ADAMTS12: variants seen among roughly 807,000 people sequenced by gnomAD.
ADAMTS12 encodes A disintegrin and metalloproteinase with thrombospondin motifs 12.
A neutral mutation model predicts 167.8 loss-of-function variants in ADAMTS12; 118 were observed. The ratio of observed to expected loss-of-function variants is 0.70; its 90% CI spans 0.61 to 0.82. The LOEUF (loss-of-function observed/expected upper bound fraction) is 0.82, where lower values mean the gene tolerates loss of function less well. Among genes scored for constraint, ADAMTS12 ranks in the 40% least tolerant of loss-of-function variants. The pLI is 0.00. For synonymous variants in ADAMTS12, 704 were observed against 716.9 expected (o/e 0.98, Z 0.29); for missense variants, 1,916 against 1,998.8 (o/e 0.96, Z 0.79).
At chr5:33,692,316 C>G (rs1345986772) in intron 3 of ADAMTS12, among the ~76,000 whole-genome samples, 1 of 152,052 alleles carries the variant, frequency 6.6e-6, no homozygotes, top group African/African-American at 2.4e-5. Context: ...AAAGTGGATG[C>G]CAGATGTTGA....
rs111555520 is a variant in ADAMTS12 at position 33,609,959 on chromosome 5, C to T, written c.2527+4279G>A. Among the ~76,000 whole-genome samples, 1,388 of 151,940 alleles carry T rather than the reference C, an allele frequency of 9.1e-3. 27 individuals are homozygous for T. The highest frequency in any genetic ancestry group is 0.032 in the African/African-American group (1,324 of 41,450). On this transcript the variant is annotated intron_variant, in intron 16 of 23. Coordinates refer to ENST00000504830, the MANE Select transcript of ADAMTS12 (RefSeq NM_030955.4). ...CTTTGGGAGGCCAAAGTGGGCGGAT[C>T]ACCTGAGGTCAGGAGCTCGAGACCC...
chr5:33,609,093 C>T (rs1436689723), intron 16 of ADAMTS12, among the ~76,000 whole-genome samples: 1 of 152,052 alleles, frequency 6.6e-6, no homozygotes, highest in Non-Finnish European at 1.5e-5. Flanking sequence ...ATAATAACAG[C>T]TTTAAAAGTG....
At chr5:33,557,482 T>C (rs889384679) in intron 20 of ADAMTS12, among the ~76,000 whole-genome samples, 1 of 152,174 alleles carries the variant, frequency 6.6e-6, no homozygotes, top group Admixed American at 6.5e-5. Flanking sequence ...GCACATGATT[T>C]GGACTTTAGA....
At chr5:33,644,985 C>T (rs963018800) in intron 9 of ADAMTS12, among the ~76,000 whole-genome samples, 1 of 152,108 alleles carries the variant, frequency 6.6e-6, no homozygotes, top group Admixed American at 6.5e-5. Flanking sequence ...CCACCTTGGC[C>T]TCCCAAAGTG....
chr5:33,855,091 A>G (rs1334925022), intron 2 of ADAMTS12, among the ~76,000 whole-genome samples: 2 of 152,342 alleles, frequency 1.3e-5, no homozygotes, highest in Non-Finnish European at 2.9e-5. Context: ...CCTCAGCTAC[A>G]TCACCCCAGG....
intron 2 of ADAMTS12, among the ~76,000 whole-genome samples, chr5:33,812,841 C>T (rs1180137032): frequency 6.6e-6 from 1 of 152,142 alleles, no homozygotes; most frequent in Non-Finnish European, 1.5e-5. Context: ...CTCTCTTGTA[C>T]ATACTTTTGT....
intron 17 of ADAMTS12, among the ~76,000 whole-genome samples, chr5:33,589,463 C>T (rs1438888645): frequency 2.0e-5 from 3 of 151,996 alleles, no homozygotes; most frequent in Admixed American, 6.6e-5. Context: ...TCTCACTGGT[C>T]CCTTTGATAA....
chr5:33,564,852 GA>G (rs1745932569), intron 19 of ADAMTS12, among the ~76,000 whole-genome samples: 1 of 152,200 alleles, frequency 6.6e-6, no homozygotes, highest in Non-Finnish European at 1.5e-5. Context: ...CATCAGATTA[GA>G]AACCACTGGG....
At chr5:33,860,161 C>T (rs567898635) in intron 2 of ADAMTS12, among the ~76,000 whole-genome samples, 1 of 152,218 alleles carries the variant, frequency 6.6e-6, no homozygotes, top group Non-Finnish European at 1.5e-5. Flanking sequence ...TGGAGAACGA[C>T]TTTGATGAAT....
Position 33,683,900 on chromosome 5 carries a change from T to C in ADAMTS12, c.790A>G (p.Ser264Gly), listed in dbSNP as rs1408582194. ...ADTKMIEYHG[S>G]ENVESYILTI... ...AGGATGTAGGACTCCACATTCTCAC[T>C]CCCATGGTATTCAATCATCTTTGTG... Residue 264 changes from serine (S) to glycine (G), a missense_variant, in exon 4 of 24, where the codon AGT (serine) becomes GGT (glycine). Ser to Gly is a moderately conservative substitution (Grantham distance 56). Coordinates refer to ENST00000504830, the MANE Select transcript of ADAMTS12 (RefSeq NM_030955.4). The C allele has an allele frequency of 1.9e-6, 3 of 1,594,992 alleles. No individual in the cohort carries two copies. The highest frequency in any genetic ancestry group is 2.6e-6 in the Non-Finnish European group (3 of 1,170,636).
intron 20 of ADAMTS12, among the ~76,000 whole-genome samples, chr5:33,553,940 C>A (rs906254274): frequency 2.0e-5 from 3 of 152,194 alleles, no homozygotes; most frequent in African/African-American, 7.2e-5. Context: ...CTTCTCCCCA[C>A]CCCACTTTCC....
intron 21 of ADAMTS12, among the ~76,000 whole-genome samples, chr5:33,548,019 T>C (rs572111446): frequency 3.3e-5 from 5 of 152,228 alleles, no homozygotes; most frequent in African/African-American, 1.2e-4. Flanking sequence ...CAGAAAACTC[T>C]AGCTAGTGGC....
chr5:33,866,004 G>A (rs1442133141), intron 2 of ADAMTS12, among the ~76,000 whole-genome samples: 2 of 152,134 alleles, frequency 1.3e-5, no homozygotes, highest in African/African-American at 4.8e-5. Flanking sequence ...TGGATTAGAA[G>A]AATCAATATC....
At chr5:33,863,227 C>A (rs1749688088) in intron 2 of ADAMTS12, among the ~76,000 whole-genome samples, 1 of 152,118 alleles carries the variant, frequency 6.6e-6, no homozygotes, top group Non-Finnish European at 1.5e-5. Flanking sequence ...AAAGGGTATT[C>A]AAATAGGAAG....
intron 2 of ADAMTS12, among the ~76,000 whole-genome samples, chr5:33,798,424 T>G (rs1746861817): frequency 6.8e-6 from 1 of 147,990 alleles, no homozygotes; most frequent in Admixed American, 6.8e-5. Flanking sequence ...CTGATGTCTC[T>G]TCTTTGTATC....
chr5:33,677,893 A>G (rs1198600665), intron 5 of ADAMTS12, among the ~76,000 whole-genome samples: 2 of 152,206 alleles, frequency 1.3e-5, no homozygotes, highest in Non-Finnish European at 2.9e-5. Context: ...CAATACTCCA[A>G]TTTATTCTCA....
intron 2 of ADAMTS12, among the ~76,000 whole-genome samples, chr5:33,820,170 G>A (rs933545269): frequency 1.3e-5 from 2 of 152,172 alleles, no homozygotes; most frequent in Non-Finnish European, 2.9e-5. Flanking sequence ...TCAAATTCTA[G>A]CACTGTTTAG....
intron 17 of ADAMTS12, among the ~76,000 whole-genome samples, chr5:33,594,251 G>A (rs950250621): frequency 6.6e-6 from 1 of 152,320 alleles, no homozygotes; most frequent in South Asian, 2.1e-4. Flanking sequence ...CTTGTCTGTA[G>A]CCACATAAGA....
At chr5:33,673,982 G>T (rs1425328394) in intron 5 of ADAMTS12, among the ~76,000 whole-genome samples, 1 of 152,056 alleles carries the variant, frequency 6.6e-6, no homozygotes, top group Non-Finnish European at 1.5e-5. Flanking sequence ...CTTCATACTT[G>T]GTTCACAGCA....
Sources: gnomAD v4.1 joint callset for allele counts (sites outside exome capture counted in the v4.1 genomes callset) on GRCh38, gnomAD v4.1.1 for gene constraint, MANE v1.5 for transcripts, NCBI Gene and HGNC (gene_info 2026-07-23, HGNC 2026-07-21) for gene names.